CSNK1D: variants seen among roughly 807,000 people sequenced by gnomAD.
CSNK1D encodes casein kinase I isoform delta.
In CSNK1D, 16 loss-of-function variants were observed where a neutral mutation model predicts 46.6. That is an observed-to-expected ratio of 0.34 (90% CI 0.23 to 0.52). CSNK1D has a LOEUF of 0.52. CSNK1D is among the 20% of genes least tolerant of loss of function. The pLI is 0.95. For synonymous variants in CSNK1D, 276 were observed against 228.2 expected (o/e 1.21, Z -1.89); for missense variants, 398 against 578.4 (o/e 0.69, Z 3.20).
downstream of CSNK1D, among the ~76,000 whole-genome samples, chr17:82,241,329 C>T (rs984225480): frequency 2.0e-5 from 3 of 152,202 alleles, no homozygotes; most frequent in South Asian, 2.1e-4. Context: ...CTCAGCCTTC[C>T]GAGGGGTCTA....
intron 8 of CSNK1D, chr17:82,246,530 G>A: frequency 9.4e-7 from 1 of 1,066,664 alleles, no homozygotes; most frequent in African/African-American, 1.7e-5. Context: ...GCAACTAGAT[G>A]GCCTTTAGGG....
In CSNK1D at chr17:82,248,730, C is replaced by G. The variant is rs1049133378; in HGVS notation, c.1197+145G>C. ...CCTCCCGAGAAGCCTCATCTGCAAC[C>G]AAGACGCCACACCCTGGCGAGATTA... On this transcript the variant is annotated intron_variant, in intron 8 of 8. Transcript: ENST00000314028. The surrounding 1 kb of genome is among the most constrained non-coding windows in gnomAD (Gnocchi z 4.1). 6 of 1,478,568 alleles carry G rather than the reference C, an allele frequency of 4.1e-6. No individual in the cohort carries two copies. The highest frequency in any genetic ancestry group is 3.6e-6 in the Non-Finnish European group (4 of 1,115,880). The allele number at this position is 1,478,568 out of a possible 1,614,324, so 91.6% of individuals were successfully genotyped here. A position where few individuals can be genotyped will look rare whatever the true frequency, so the allele number is the denominator to read the frequency against.
intron 2 of CSNK1D, among the ~76,000 whole-genome samples, chr17:82,262,715 C>G (rs1359873583): frequency 2.6e-5 from 4 of 152,232 alleles, no homozygotes; most frequent in African/African-American, 4.8e-5. Context: ...ATAGCAGACA[C>G]TGCACAAGAA....
chr17:82,265,836 A>G, intron 1 of CSNK1D, 40 bp from the exon 2 acceptor site: 1 of 1,486,400 alleles, frequency 6.7e-7, no homozygotes, highest in South Asian at 1.1e-5. Context: ...ATTACCTGGT[A>G]TCCACCAAAT....
intron 3 of CSNK1D, chr17:82,253,839 G>A (rs1277538806): frequency 3.4e-5 from 9 of 262,554 alleles, no homozygotes; most frequent in Admixed American, 1.1e-4. Context: ...CTGAGCCGCC[G>A]GAGCCTCGAG....
At chr17:82,239,072 C>T (rs924783220), downstream of CSNK1D, 55 of 1,249,246 alleles carry the variant, frequency 4.4e-5, no homozygotes, top group Middle Eastern at 5.6e-4. Flanking sequence ...GGCAGGGCCA[C>T]GGCTGGGCTC....
At chr17:82,244,889 AG>A in intron 8 of CSNK1D, 58 bp from the exon 9 acceptor site, 47 of 1,610,462 alleles carry the variant, frequency 2.9e-5, no homozygotes, top group Non-Finnish European at 3.9e-5. Context: ...CCGGCCAGGC[AG>A]ATACCACAGT....
chr17:82,260,250 T>C (rs1036754624), intron 2 of CSNK1D, among the ~76,000 whole-genome samples: 2 of 150,890 alleles, frequency 1.3e-5, no homozygotes, highest in Middle Eastern at 7.2e-3. Flanking sequence ...TGACTGATGG[T>C]ATACCGAGTG....
chr17:82,265,178 A>T, intron 2 of CSNK1D: 1 of 174,586 alleles, frequency 5.7e-6, no homozygotes, highest in Admixed American at 6.0e-5. Flanking sequence ...ATGGTATAAG[A>T]TTTTTTTTTT....
chr17:82,271,749 C>A (rs769972176), intron 1 of CSNK1D, among the ~76,000 whole-genome samples: 5 of 152,238 alleles, frequency 3.3e-5, no homozygotes, highest in Non-Finnish European at 5.9e-5. Context: ...GGTCCTGAGT[C>A]CTCTCTCTGG....
chr17:82,268,513 G>C (rs1004331239), intron 1 of CSNK1D, among the ~76,000 whole-genome samples: 4 of 152,220 alleles, frequency 2.6e-5, no homozygotes, highest in Admixed American at 6.5e-5. Flanking sequence ...CTTCACCACA[G>C]GTTAAATCCG....
At chr17:82,247,806 C>A in intron 8 of CSNK1D, 1 of 985,438 alleles carries the variant, frequency 1.0e-6, no homozygotes, top group Non-Finnish European at 1.2e-6. Flanking sequence ...ACCACGAAGC[C>A]AAAATCCCTG....
At chr17:82,258,525 C>T (rs1599602385) in intron 2 of CSNK1D, among the ~76,000 whole-genome samples, 2 of 152,218 alleles carry the variant, frequency 1.3e-5, no homozygotes, top group Non-Finnish European at 2.9e-5. Flanking sequence ...AACCTTATTA[C>T]GGATTTGTGA....
At chr17:82,256,582 T>G (rs1326613850) in intron 2 of CSNK1D, among the ~76,000 whole-genome samples, 1 of 151,586 alleles carries the variant, frequency 6.6e-6, no homozygotes, top group Non-Finnish European at 1.5e-5. Context: ...AGACGTTACG[T>G]ATGAAAAGTC....
chr17:82,239,057 G>T, downstream of CSNK1D: 1 of 1,381,412 alleles, frequency 7.2e-7, no homozygotes, highest in African/African-American at 1.4e-5. Context: ...AACTGGACTG[G>T]CTCAGGCAGG....
At chr17:82,259,831 G>A (rs753608427) in intron 2 of CSNK1D, among the ~76,000 whole-genome samples, 17 of 152,246 alleles carry the variant, frequency 1.1e-4, no homozygotes, top group Admixed American at 2.0e-4. Flanking sequence ...AGACTGCATC[G>A]CGTAACACTA....
chr17:82,244,509 C>A lies in CSNK1D; in HGVS notation c.*272G>T, dbSNP rs908122916. The stretch of plus-strand genomic sequence containing the variant: ...GGAGCTGAGGCCCTGGAAAAGGAGT[C>A]TGATTCTCTGCAATTCTCTCTCTGC... On this transcript the variant is annotated 3_prime_UTR_variant, in exon 9 of 9. Coordinates refer to ENST00000314028, the MANE Select transcript of CSNK1D (RefSeq NM_001893.6). The A allele has an allele frequency of 7.0e-7, 1 of 1,424,830 alleles. No homozygotes were observed. The highest frequency in any genetic ancestry group is 1.4e-5 in the South Asian group (1 of 69,832). The allele number at this position is 1,424,830 out of a possible 1,614,324, so 88.3% of individuals were successfully genotyped here.
chr17:82,265,717 C>G lies in CSNK1D; in HGVS notation c.156G>C (p.Glu52Asp). The change falls in exon 2 of 9, where the codon GAG (glutamate) becomes GAC (aspartate). Residue 52 changes from glutamate (E) to aspartate (D), a missense_variant. Physicochemically the swap from Glu to Asp is conservative, Grantham distance 45 (BLOSUM62 2). Around this residue, in one of 2 missense-constraint regions of CSNK1D, gnomAD observed 217 missense variants for 370.3 expected, o/e 0.59. Coordinates refer to ENST00000314028, the MANE Select transcript of CSNK1D (RefSeq NM_001893.6). The stretch of plus-strand genomic sequence containing the variant: ...CCTGCATCATCTTGTAGATTTTGCT[C>G]TCAATGTGGAGCTGAGGGTGTTTGG... ...VKTKHPQLHI[E>D]SKIYKMMQGG... The G allele has an allele frequency of 6.2e-7, 1 of 1,614,148 alleles. No homozygotes were observed. The highest frequency in any genetic ancestry group is 8.5e-7 in the Non-Finnish European group (1 of 1,179,998).
chr17:82,240,013 G>A (rs529069523), downstream of CSNK1D: 28 of 1,233,790 alleles, frequency 2.3e-5, no homozygotes, highest in South Asian at 3.7e-4. Context: ...ACGGCAGCGG[G>A]TGCCCTGGCG....
Sources: gnomAD v4.1 joint callset for allele counts (sites outside exome capture counted in the v4.1 genomes callset) on GRCh38, gnomAD v4.1.1 for gene constraint, gnomAD v4.1.1 regional missense constraint, Gnocchi (gnomAD v3.1) non-coding constraint, MANE v1.5 for transcripts, NCBI Gene and HGNC (gene_info 2026-07-23, HGNC 2026-07-21) for gene names.